ATP7A: variants seen among roughly 807,000 people sequenced by gnomAD.
ATP7A encodes ATPase copper transporting alpha.
ATP7A carries 7 observed loss-of-function variants against 83.5 expected under a neutral mutation model. That is an observed-to-expected ratio of 0.08 (90% CI 0.05 to 0.16). The LOEUF is 0.16. ATP7A is among the 10% of genes least tolerant of loss of function. The probability of loss-of-function intolerance (pLI) is 1.00; values close to 1 mark genes in which losing one functional copy is unlikely to be tolerated. For missense variants in ATP7A, 940 were observed against 1,120.8 expected (o/e 0.84, Z 2.30); for synonymous variants, 354 against 395.2 (o/e 0.90, Z 1.24).
At chrX:77,957,036 T>A (rs1347114266) in intron 1 of ATP7A, among the ~76,000 whole-genome samples, 1 of 110,208 alleles carries the variant, frequency 9.1e-6, no homozygotes, top group Non-Finnish European at 1.9e-5. Flanking sequence ...GGCTCAAGCA[T>A]TCTGCCTGCT....
Position 77,941,823 on chromosome X carries a change from A to G in ATP7A, c.-21-29798A>G, listed in dbSNP as rs1336955221. ...ACATGTTATAAAATCCAAATAGAAA[A>G]TATATTTAAATTATTAGACAATTTA... On this transcript the variant is annotated intron_variant, in intron 1 of 22. Transcript: ENST00000341514. 3.6e-5 allele frequency among the ~76,000 whole-genome samples: 4 copies of G among 112,149 alleles called. No individual in the cohort carries two copies. In the Admixed American group the frequency reaches 3.8e-4, roughly 11 times the overall value.
At chrX:77,945,483 C>A (rs1275061454) in intron 1 of ATP7A, among the ~76,000 whole-genome samples, 1 of 112,166 alleles carries the variant, frequency 8.9e-6, no homozygotes, top group African/African-American at 3.2e-5. Flanking sequence ...CCTGGCCTGG[C>A]AATTATCTTT....
chrX:77,995,733 CTTTTTA>C (rs1199455057), intron 4 of ATP7A, among the ~76,000 whole-genome samples: 1 of 110,735 alleles, frequency 9.0e-6, no homozygotes, highest in Admixed American at 9.6e-5. Context: ...CATTTTGTGA[CTTTTTA>C]TTTTTGTTTG....
chrX:77,941,981 T>C (rs186429405), intron 1 of ATP7A, among the ~76,000 whole-genome samples: 2 of 112,139 alleles, frequency 1.8e-5, no homozygotes, highest in Admixed American at 1.9e-4. Flanking sequence ...TATGCCAGGG[T>C]AGAGATTCAG....
chrX:77,997,914 T>A (rs1001135865), intron 4 of ATP7A, among the ~76,000 whole-genome samples: 47 of 110,594 alleles, frequency 4.2e-4, no homozygotes, highest in Non-Finnish European at 7.8e-4. Flanking sequence ...TAGAGGAAAT[T>A]TATTCATCTG....
In ATP7A at chrX:77,923,570, TC is replaced by T. The variant is rs201139355; in HGVS notation, c.-22+12736del. ...ATGTGTTTACCTTTTTCTTTTTTTT[TC>T]TTTCTTTCTTTTTTTTTTTTTGAGA... On this transcript the variant is annotated intron_variant, in intron 1 of 22. Transcript: ENST00000341514. 16 of 109,471 alleles carry T rather than the reference TC, an allele frequency of 1.5e-4. 1 individual carries two copies. The highest frequency in any genetic ancestry group is 1.3e-3 in the Admixed American group (13 of 10,166). The allele number at this position is 109,471 out of a possible 1,213,427, so 9.0% of individuals were successfully genotyped here.
intron 5 of ATP7A, among the ~76,000 whole-genome samples, chrX:78,001,726 C>T (rs189981762): frequency 3.3e-4 from 37 of 110,873 alleles, no homozygotes; most frequent in African/African-American, 1.1e-3. Flanking sequence ...CCATCAAATG[C>T]CACAGAATCC....
chrX:77,959,256 C>T (rs1299751968), intron 1 of ATP7A, among the ~76,000 whole-genome samples: 1 of 111,485 alleles, frequency 9.0e-6, no homozygotes, highest in African/African-American at 3.3e-5. Flanking sequence ...TATCCTGTGA[C>T]TTACTGAATT....
chrX:77,952,150 G>T (rs1373009166), intron 1 of ATP7A, among the ~76,000 whole-genome samples: 1 of 112,227 alleles, frequency 8.9e-6, no homozygotes, highest in Non-Finnish European at 1.9e-5. Flanking sequence ...GAATAAAGTT[G>T]CTGTAAACAT....
chrX:77,926,525 T>C (rs1287766013), intron 1 of ATP7A, among the ~76,000 whole-genome samples: 7 of 109,857 alleles, frequency 6.4e-5, no homozygotes, highest in African/African-American at 2.3e-4. Context: ...GAGACAGGGT[T>C]TCGCCACATT....
intron 17 of ATP7A, among the ~76,000 whole-genome samples, chrX:78,037,980 G>GTTTTTT (rs782643561): frequency 2.0e-5 from 1 of 51,220 alleles, no homozygotes; most frequent in African/African-American, 1.0e-4. Context: ...ATCAAGAAAG[G>GTTTTTT]TTTTTTTTTT....
In ATP7A at chrX:77,971,647, T is replaced by C. The variant is rs951178780; in HGVS notation, c.6T>C (p.Asp2=). 2 of 1,209,200 alleles carry C rather than the reference T, an allele frequency of 1.7e-6. No homozygotes were observed. The highest frequency in any genetic ancestry group is 3.5e-5 in the African/African-American group (2 of 57,225). M[D]PSMGVNSVTI... is the part of the protein sequence containing the mutation. ...AATGTAATGAGGAAATCAAAATGGA[T>C]CCAAGTATGGGTGTGAATTCTGTTA... The change falls in exon 2 of 23, where the codon GAT becomes GAC. Residue 2 remains aspartate (D), a synonymous_variant. Transcript: ENST00000341514.
At chrX:78,023,694 T>A (rs1040206991) in intron 14 of ATP7A, among the ~76,000 whole-genome samples, 1 of 111,923 alleles carries the variant, frequency 8.9e-6, no homozygotes, top group East Asian at 2.8e-4. Flanking sequence ...AGTCTAGATA[T>A]TAGTCCTTTG....
chrX:78,011,100 A>G, intron 7 of ATP7A, 76 bp from the exon 8 acceptor site: 2 of 946,720 alleles, frequency 2.1e-6, no homozygotes. Context: ...CTTAATGACA[A>G]TACCATGGCT....
At chrX:77,936,471 T>C (rs2149051211) in intron 1 of ATP7A, among the ~76,000 whole-genome samples, 1 of 112,309 alleles carries the variant, frequency 8.9e-6, no homozygotes, top group African/African-American at 3.2e-5. Flanking sequence ...TCTATGGCAT[T>C]AAGTATAGCC....
chrX:78,005,594 A>G (rs1312161656), intron 6 of ATP7A, among the ~76,000 whole-genome samples: 11 of 106,083 alleles, frequency 1.0e-4, no homozygotes, highest in African/African-American at 3.8e-4. Flanking sequence ...GAGGCAGGAG[A>G]ATCACTTGAA....
chrX:78,009,768 G>A (rs782414441), intron 7 of ATP7A, among the ~76,000 whole-genome samples: 1 of 112,076 alleles, frequency 8.9e-6, no homozygotes, highest in African/African-American at 3.2e-5. Context: ...GACCATCCTG[G>A]GCAATGTAGC....
At chrX:77,969,464 C>T in intron 1 of ATP7A, 1 of 1,210,735 alleles carries the variant, frequency 8.3e-7, no homozygotes, top group South Asian at 1.8e-5. Context: ...CTCTTCTGCA[C>T]TGAGGTGAGG....
Position 77,974,025 on chromosome X carries a change from A to T in ATP7A, c.120+2264A>T, listed in dbSNP as rs868986845. On this transcript the variant is annotated intron_variant, in intron 2 of 22. Transcript: ENST00000341514. The stretch of plus-strand genomic sequence containing the variant: ...AATTTAAGTTTAATTTCAGGTGTTC[A>T]TTATGAGGTTTTTATATGTTGACTT... 2.9e-4 allele frequency among the ~76,000 whole-genome samples: 32 copies of T among 111,811 alleles called. No individual in the cohort carries two copies. The South Asian group carries it at 5.9e-3, about 21-fold the overall frequency.
Sources: allele counts gnomAD v4.1 joint callset (sites outside exome capture counted in the v4.1 genomes callset), GRCh38; gene constraint gnomAD v4.1.1; transcripts MANE v1.5; gene names NCBI Gene and HGNC (gene_info 2026-07-23, HGNC 2026-07-21).